ZMYND10: variants seen among roughly 807,000 people sequenced by gnomAD.
ZMYND10 encodes zinc finger MYND domain-containing protein 10.
Under a neutral mutation model 62.6 loss-of-function variants are expected in ZMYND10, and 52 were observed. The observed-to-expected ratio is 0.83, with a 90% CI of 0.67 to 1.05. The LOEUF is 1.05. Among genes scored for constraint, ZMYND10 ranks in the 50% least tolerant of loss-of-function variants. The pLI is 0.00. For missense variants in ZMYND10, 438 were observed against 543.3 expected, an observed-to-expected ratio of 0.81 and a Z score of 1.93; for synonymous variants, 197 against 218.5, an observed-to-expected ratio of 0.90 and a Z score of 0.87.
At chr3:50,343,687 G>A in intron 3 of ZMYND10, 47 bp downstream of exon 3, 1 of 1,613,728 alleles carries the variant, frequency 6.2e-7, no homozygotes, top group Non-Finnish European at 8.5e-7. Flanking sequence ...CCGGTCCAGA[G>A]CCCTCTGAAG....
chr3:50,345,518 C>A lies in ZMYND10; in HGVS notation c.62G>T (p.Ser21Ile), dbSNP rs1468332872. ...GGAGCCCATCTCGCGTAGCGGGAAG[C>A]TGCGCAGACCCCGCACCAGCACTTC... ...EAEVLVRGLR[S>I]FPLREMGSEG... Residue 21 changes from serine to isoleucine, a missense_variant, in exon 1 of 12, where the codon AGC (serine) becomes ATC (isoleucine). By Grantham distance (142) the Ser-to-Ile change is moderately radical (BLOSUM62 -2). Coordinates refer to ENST00000231749, the MANE Select transcript of ZMYND10 (RefSeq NM_015896.4). This position sits in a 1 kb window ranked among gnomAD's most constrained non-coding sequence, Gnocchi z 5.0. The A allele has an allele frequency of 1.9e-6, 3 of 1,609,036 alleles. No homozygotes were observed. The highest frequency in any genetic ancestry group is 1.7e-5 in the Admixed American group (1 of 59,630).
In ZMYND10 at chr3:50,345,677, A is replaced by T. The variant is rs1703523819; in HGVS notation, c.-98T>A. ...CCCCGACGGTGCCAAAGTCTGGGACAGGACAGTTGCGGGACGGTTGGGGAG... is the reference window on the plus strand; with the variant it reads ...CCCCGACGGTGCCAAAGTCTGGGACTGGACAGTTGCGGGACGGTTGGGGAG... On this transcript the variant is annotated 5_prime_UTR_variant, in exon 1 of 12. Transcript: ENST00000231749. This position sits in a 1 kb window ranked among gnomAD's most constrained non-coding sequence, Gnocchi z 5.0. The T allele has an allele frequency of 2.0e-6, 3 of 1,526,476 alleles. No homozygotes were observed. The South Asian group carries it at 3.6e-5, about 19-fold the overall frequency. The allele number at this position is 1,526,476 out of a possible 1,614,324, so 94.6% of individuals were successfully genotyped here. A position where few individuals can be genotyped will look rare whatever the true frequency, so the allele number is the denominator to read the frequency against.
chr3:50,345,502 C>T lies in ZMYND10; in HGVS notation c.78G>A (p.Glu26=). ...VRGLRSFPLR[E]MGSEGWNQQH... is the part of the protein sequence containing the mutation. ...GGGTGCCTCACCCTTCGGAGCCCAT[C>T]TCGCGTAGCGGGAAGCTGCGCAGAC... The change falls in exon 1 of 12, where the codon GAG becomes GAA. Residue 26 remains glutamate (E), a synonymous_variant. Transcript: ENST00000231749. The surrounding 1 kb of genome is among the most constrained non-coding windows in gnomAD (Gnocchi z 5.0). The T allele has an allele frequency of 6.2e-7, 1 of 1,605,834 alleles. No individual in the cohort carries two copies. Among genetic ancestry groups the T allele is most frequent in the East Asian group, 2.2e-5 (1 of 44,606 alleles).
rs376314608 is a variant in ZMYND10 at position 50,343,327 on chromosome 3, G to A, written c.490C>T (p.Gln164Ter). 7 of 1,612,202 alleles carry A rather than the reference G, an allele frequency of 4.3e-6. No homozygotes were observed. In the African/African-American group the frequency reaches 9.3e-5, roughly 22 times the overall value. ...CGGPPEGEGS[Q>*]DSNPMQELQK... ...CCCACCTGCATGGGGTTGCTGTCCT[G>A]GGATCCCTCCCCCTCAGGGGGGCCA... is the stretch of plus-strand genomic sequence containing the variant. The change falls in exon 5 of 12, where the codon CAG becomes TAG. Residue 164 changes from glutamine to a stop codon, truncating the protein, a stop_gained. Transcript: ENST00000231749. LOFTEE classifies it high-confidence loss of function.
At chr3:50,344,883 G>A (rs1370379122) in intron 2 of ZMYND10, 4 of 325,186 alleles carry the variant, frequency 1.2e-5, no homozygotes, top group South Asian at 7.8e-5. Context: ...TCCCCTTGAA[G>A]CCTAAGCTGT....
At chr3:50,344,486 T>A (rs1469506004) in intron 2 of ZMYND10, among the ~76,000 whole-genome samples, 1 of 151,916 alleles carries the variant, frequency 6.6e-6, no homozygotes, top group Non-Finnish European at 1.5e-5. Context: ...GCTCTGCAAA[T>A]TTTTGTATTT....
At position 50,341,263 on chromosome 3, in the gene ZMYND10, G is replaced by T; in HGVS notation, c.*147C>A. 1.0e-6 allele frequency: 1 copy of T among 960,024 alleles called. No homozygotes were observed. The allele number at this position is 960,024 out of a possible 1,614,324, so 59.5% of individuals were successfully genotyped here. On this transcript the variant is annotated 3_prime_UTR_variant, in exon 12 of 12. Coordinates refer to ENST00000231749, the MANE Select transcript of ZMYND10 (RefSeq NM_015896.4). ...CTTCACTTGGGGTGAGGAGGAGGGA[G>T]ATCGGTCAGCAGCTTTACCGCCCGC... is the stretch of plus-strand genomic sequence containing the variant.
chr3:50,343,002 A>G lies in ZMYND10; in HGVS notation c.616T>C (p.Leu206=). 1 of 1,614,134 alleles carries G rather than the reference A, an allele frequency of 6.2e-7. No homozygotes were observed. The highest frequency in any genetic ancestry group is 8.5e-7 in the Non-Finnish European group (1 of 1,179,980). Residue 206 remains leucine, a synonymous_variant, in exon 7 of 12, where the codon TTG becomes CTG. Coordinates refer to ENST00000231749, the MANE Select transcript of ZMYND10 (RefSeq NM_015896.4). ...DCVDSLSLST[L]SRMLSTHNLP... is the part of the protein sequence containing the mutation. ...TTGTGTGTGCTAAGCATACGGCTCA[A>G]GGTGCTGAGAGAGAGGCTAGGGGCA...
rs779462978 is a variant in ZMYND10, at chr3:50,342,593, G to A, written c.701-24C>T. 2.5e-6 allele frequency: 4 copies of A among 1,601,388 alleles called. No individual in the cohort carries two copies. The East Asian group carries it at 6.7e-5, about 27-fold the overall frequency. On this transcript the variant is annotated intron_variant, in intron 7 of 11. Coordinates refer to ENST00000231749, the MANE Select transcript of ZMYND10 (RefSeq NM_015896.4). ...GCCTGGGGAGAGGAACCAGCACACT[G>A]GGTGCAGACGTTGAATTCTCTTCAA...
chr3:50,345,491 T>G lies in ZMYND10; in HGVS notation c.89A>C (p.Glu30Ala). Reference sequence around the variant, plus strand: ...CCGCCTGACCCGGGTGCCTCACCCTTCGGAGCCCATCTCGCGTAGCGGGAA... The same window carrying G: ...CCGCCTGACCCGGGTGCCTCACCCTGCGGAGCCCATCTCGCGTAGCGGGAA... ...RSFPLREMGS[E>A]GWNQQHENLE... Residue 30 changes from glutamate to alanine, a missense_variant, in exon 1 of 12, where the codon GAA becomes GCA. Physicochemically the swap from Glu to Ala is moderately radical, Grantham distance 107 (BLOSUM62 -1). Transcript: ENST00000231749. This position sits in a 1 kb window ranked among gnomAD's most constrained non-coding sequence, Gnocchi z 5.0. 2 of 1,601,322 alleles carry G rather than the reference T, an allele frequency of 1.2e-6. No homozygotes were observed. Among genetic ancestry groups the G allele is most frequent in the South Asian group, 1.1e-5 (1 of 88,664 alleles).
chr3:50,342,400 G>C lies in ZMYND10; in HGVS notation c.870C>G (p.Leu290=). 1.3e-6 allele frequency: 2 copies of C among 1,574,642 alleles called. No individual in the cohort carries two copies. Among genetic ancestry groups the C allele is most frequent in the Non-Finnish European group, 1.7e-6 (2 of 1,159,196 alleles). ...CLTSFAKGRL[L]KLRAFLTDTL... ...GCTGGTGCGGAGGGAGTCTGACCTT[G>C]AGTAGCCGTCCCTTGGCAAAACTTG... Residue 290 remains leucine, a synonymous_variant, in exon 8 of 12, where the codon CTC becomes CTG. Transcript: ENST00000231749.
rs1372927122 is a variant in ZMYND10 at position 50,345,500 on chromosome 3, A to G, written c.80T>C (p.Met27Thr). Reference protein sequence around the residue: ...RGLRSFPLREMGSEGWNQQHE... With the variant: ...RGLRSFPLRETGSEGWNQQHE... ...CCGGGTGCCTCACCCTTCGGAGCCC[A>G]TCTCGCGTAGCGGGAAGCTGCGCAG... is the stretch of plus-strand genomic sequence containing the variant. The change falls in exon 1 of 12, where the codon ATG (methionine) becomes ACG (threonine). Residue 27 changes from methionine to threonine, a missense_variant. Transcript: ENST00000231749. The surrounding 1 kb of genome is among the most constrained non-coding windows in gnomAD (Gnocchi z 5.0). 6.2e-6 allele frequency: 10 copies of G among 1,605,462 alleles called. No individual in the cohort carries two copies. In the East Asian group the frequency reaches 2.2e-4, roughly 36 times the overall value.
chr3:50,343,285 AC>A (rs1703444969), intron 5 of ZMYND10, 21 bp downstream of exon 5: 1 of 1,612,684 alleles, frequency 6.2e-7, no homozygotes. Context: ...GGCTTTCACA[AC>A]CCTAGGTAAC....
rs1274551399 is a variant in ZMYND10 at position 50,341,869 on chromosome 3, C to A, written c.1062G>T (p.Lys354Asn). The change falls in exon 10 of 12, where the codon AAG (lysine) becomes AAT (asparagine). Residue 354 changes from lysine to asparagine, a missense_variant. Lys to Asn is a moderately conservative substitution (Grantham distance 94, BLOSUM62 0). Transcript: ENST00000231749. Reference protein sequence around the residue: ...ENRGKWQAIAKHQLQHVFSPS... With the variant: ...ENRGKWQAIANHQLQHVFSPS... ...GGCTGAACACATGCTGGAGCTGGTG[C>A]TTGGCAATTGCCTGCCACTTGCCTC... 6.2e-7 allele frequency: 1 copy of A among 1,614,168 alleles called. No homozygotes were observed. The highest frequency in any genetic ancestry group is 2.2e-5 in the East Asian group (1 of 44,880).
chr3:50,341,119 A>G lies in ZMYND10; in HGVS notation c.*291T>C, dbSNP rs1479209421. The G allele has an allele frequency of 5.1e-6, 3 of 584,670 alleles. No homozygotes were observed. Among genetic ancestry groups the G allele is most frequent in the Non-Finnish European group, 8.9e-6 (3 of 335,718 alleles). The allele number at this position is 584,670 out of a possible 1,614,324, so 36.2% of individuals were successfully genotyped here. ...CACGCGGAGATACCCGTGTTTCTGG[A>G]GGCCAGCTTTACTGTGCTAGAGGAA... On this transcript the variant is annotated 3_prime_UTR_variant, in exon 12 of 12. Transcript: ENST00000231749.
Position 50,341,343 on chromosome 3 carries a change from A to C in ZMYND10, c.*67T>G. The stretch of plus-strand genomic sequence containing the variant: ...CGGCAGAGGCTGGACCGTGATCTTG[A>C]GGTTCAGGGGTGCATTCTGGGTGGA... On this transcript the variant is annotated 3_prime_UTR_variant, in exon 12 of 12. Coordinates refer to ENST00000231749, the MANE Select transcript of ZMYND10 (RefSeq NM_015896.4). 1 of 1,583,180 alleles carries C rather than the reference A, an allele frequency of 6.3e-7. No homozygotes were observed. Among genetic ancestry groups the C allele is most frequent in the Non-Finnish European group, 8.6e-7 (1 of 1,158,018 alleles).
At chr3:50,341,720 TCTGA>T in intron 10 of ZMYND10, 21 bp from the exon 11 acceptor site, 1 of 1,613,740 alleles carries the variant, frequency 6.2e-7, no homozygotes, top group Non-Finnish European at 8.5e-7. Flanking sequence ...GTCAGGAAGG[TCTGA>T]CTGGCCCTGG....
Position 50,341,292 on chromosome 3 carries a change from G to T in ZMYND10, c.*118C>A. On this transcript the variant is annotated 3_prime_UTR_variant, in exon 12 of 12. Coordinates refer to ENST00000231749, the MANE Select transcript of ZMYND10 (RefSeq NM_015896.4). Reference sequence around the variant, plus strand: ...GGTCAGCAGCTTTACCGCCCGCTCTGCTCTCCACTGCGGAGACTGGGGCTC... The same window carrying T: ...GGTCAGCAGCTTTACCGCCCGCTCTTCTCTCCACTGCGGAGACTGGGGCTC... 1 of 1,275,060 alleles carries T rather than the reference G, an allele frequency of 7.8e-7. No individual in the cohort carries two copies. Among genetic ancestry groups the T allele is most frequent in the Non-Finnish European group, 1.1e-6 (1 of 907,396 alleles). 79.0% of individuals were successfully genotyped at this position (1,275,060 alleles called of 1,614,324 possible).
In ZMYND10 at chr3:50,341,488, G is replaced by A; in HGVS notation, c.1248-3C>T. On this transcript the variant is annotated splice_region_variant and splice_polypyrimidine_tract_variant and intron_variant, in intron 11 of 11. Transcript: ENST00000231749. ...CCCAGTGCTTGACTTGGCACTCCCT[G>A]CAGGCAGGTGGGTATTGAGGATGGC... is the stretch of plus-strand genomic sequence containing the variant. The A allele has an allele frequency of 6.2e-7, 1 of 1,614,252 alleles. No individual in the cohort carries two copies. Among genetic ancestry groups the A allele is most frequent in the Non-Finnish European group, 8.5e-7 (1 of 1,180,036 alleles).
Sources: allele counts gnomAD v4.1 joint callset (sites outside exome capture counted in the v4.1 genomes callset), GRCh38; gene constraint gnomAD v4.1.1; non-coding constraint Gnocchi (gnomAD v3.1); transcripts MANE v1.5; gene names NCBI Gene and HGNC (gene_info 2026-07-23, HGNC 2026-07-21).